Variants in KDM4C observed in about 807,000 individuals in gnomAD.
KDM4C encodes the protein lysine-specific demethylase 4C.
Under a neutral mutation model 129.3 loss-of-function variants are expected in KDM4C, and 81 were observed. The observed-to-expected ratio is 0.63, with a 90% CI of 0.52 to 0.75. KDM4C has a LOEUF of 0.75. Among genes scored for constraint, KDM4C ranks in the 30% least tolerant of loss-of-function variants. KDM4C has a pLI of 0.00. For synonymous variants in KDM4C, 573 were observed against 456.1 expected (o/e 1.26, Z -3.26); for missense variants, 1,457 against 1,304.0 (o/e 1.12, Z -1.81).
intron 8 of KDM4C, among the ~76,000 whole-genome samples, chr9:6,954,824 T>A (rs1304999738): frequency 6.6e-6 from 1 of 152,240 alleles, no homozygotes; most frequent in Non-Finnish European, 1.5e-5. Context: ...TGGGTTTTAG[T>A]ATTTGGCAAA....
intron 17 of KDM4C, among the ~76,000 whole-genome samples, chr9:7,052,896 A>C (rs866508944): frequency 0.097 from 1,273 of 13,092 alleles, 59 homozygotes; most frequent in African/African-American, 0.27. Flanking sequence ...AGAGAGAGAG[A>C]GAGAGCGAGC....
chr9:6,811,510 T>C (rs929089339), intron 3 of KDM4C, among the ~76,000 whole-genome samples: 1 of 152,166 alleles, frequency 6.6e-6, no homozygotes, highest in Non-Finnish European at 1.5e-5. Context: ...GTAGAGACGA[T>C]GACATGCTCA....
chr9:6,790,564 G>GT, intron 1 of KDM4C, among the ~76,000 whole-genome samples: 1 of 132,026 alleles, frequency 7.6e-6, no homozygotes, highest in Non-Finnish European at 1.5e-5. Flanking sequence ...GCCCTGCTCT[G>GT]TTTTAACCTG....
intron 8 of KDM4C, among the ~76,000 whole-genome samples, chr9:6,961,252 TA>T (rs1829998275): frequency 6.6e-6 from 1 of 152,252 alleles, no homozygotes; most frequent in Non-Finnish European, 1.5e-5. Flanking sequence ...GATGGCTTGA[TA>T]ATTATCCAGT....
chr9:6,721,767 T>C (rs1452468404), intron 1 of KDM4C, among the ~76,000 whole-genome samples: 1 of 151,876 alleles, frequency 6.6e-6, no homozygotes, highest in Non-Finnish European at 1.5e-5. Flanking sequence ...TTTTTGTATT[T>C]TTAGTAGAGA....
intron 4 of KDM4C, among the ~76,000 whole-genome samples, chr9:6,823,486 T>C (rs780193597): frequency 2.6e-5 from 4 of 152,216 alleles, no homozygotes; most frequent in Non-Finnish European, 5.9e-5. Context: ...CACACTTCAC[T>C]GTGAGGGGAT....
At chr9:6,900,600 A>C (rs1222897851) in intron 8 of KDM4C, among the ~76,000 whole-genome samples, 2 of 152,114 alleles carry the variant, frequency 1.3e-5, no homozygotes, top group African/African-American at 2.4e-5. Flanking sequence ...ACACCACTGC[A>C]CTCCAGCCTG....
At chr9:6,760,464 T>A (rs1326501992) in intron 1 of KDM4C, among the ~76,000 whole-genome samples, 3 of 150,264 alleles carry the variant, frequency 2.0e-5, no homozygotes, top group Admixed American at 6.6e-5. Context: ...TATATATATA[T>A]AATGTAATTG....
intron 15 of KDM4C, among the ~76,000 whole-genome samples, chr9:7,040,225 C>G (rs1459168641): frequency 6.6e-6 from 1 of 151,952 alleles, no homozygotes; most frequent in Non-Finnish European, 1.5e-5. Context: ...ATATACTATA[C>G]TCCACAGTGT....
chr9:6,860,131 A>G (rs112233351), intron 5 of KDM4C, among the ~76,000 whole-genome samples: 2,252 of 152,256 alleles, frequency 0.015, 63 homozygotes, highest in African/African-American at 0.051. Flanking sequence ...GTGGCATAAG[A>G]AAGATTTTCA....
chr9:7,047,148 A>G (rs1233746434), intron 16 of KDM4C, among the ~76,000 whole-genome samples: 1 of 151,954 alleles, frequency 6.6e-6, no homozygotes, highest in Non-Finnish European at 1.5e-5. Flanking sequence ...GACACCATGA[A>G]AAATAACCCC....
intron 12 of KDM4C, among the ~76,000 whole-genome samples, chr9:7,007,545 C>A (rs182157097): frequency 9.2e-5 from 14 of 152,304 alleles, no homozygotes; most frequent in Non-Finnish European, 1.2e-4. Context: ...TATGAAGTTA[C>A]TGCTTGGCTT....
chr9:7,074,056 A>C (rs1833574703), intron 17 of KDM4C, among the ~76,000 whole-genome samples: 1 of 152,206 alleles, frequency 6.6e-6, no homozygotes, highest in Non-Finnish European at 1.5e-5. Context: ...CAGCAAACTA[A>C]TCTTCCCTTC....
intron 19 of KDM4C, among the ~76,000 whole-genome samples, chr9:7,156,972 T>C (rs1843244194): frequency 2.0e-5 from 3 of 152,362 alleles, no homozygotes; most frequent in African/African-American, 4.8e-5. Flanking sequence ...ATATTGATTC[T>C]TCCTATCCAT....
At chr9:6,738,916 T>C (rs557219082) in intron 1 of KDM4C, among the ~76,000 whole-genome samples, 3 of 151,968 alleles carry the variant, frequency 2.0e-5, no homozygotes, top group African/African-American at 7.2e-5. Flanking sequence ...TTTGTAGAGA[T>C]GGGGTTTCCC....
chr9:7,041,683 C>A (rs1166117459), intron 15 of KDM4C, among the ~76,000 whole-genome samples: 1 of 151,864 alleles, frequency 6.6e-6, no homozygotes, highest in Non-Finnish European at 1.5e-5. Context: ...GGGGTGAAGT[C>A]AATCTGATTT....
chr9:6,874,284 G>T (rs567655768), intron 5 of KDM4C, among the ~76,000 whole-genome samples: 83 of 152,176 alleles, frequency 5.5e-4, no homozygotes, highest in Non-Finnish European at 9.7e-4. Flanking sequence ...GCAATAAAAT[G>T]AGGTATGTCC....
rs1554669510 is a variant in KDM4C at position 6,964,792 on chromosome 9, A to AAAC, written c.922-16131_922-16130insCAA. Among the ~76,000 whole-genome samples the AAAC allele has an allele frequency of 1.0e-4, 15 of 150,644 alleles. 1 individual carries two copies. The highest frequency in any genetic ancestry group is 9.8e-4 in the East Asian group (5 of 5,122). ...GTGAGACTCCGTCTCAAAAAAAAAA[A>AAAC]AAAAAAAAACCACAGACTGGGCGCA... On this transcript the variant is annotated intron_variant, in intron 8 of 21. Transcript: ENST00000381309.
At chr9:6,944,670 T>TTTTTTTTTC (rs1826587991) in intron 8 of KDM4C, among the ~76,000 whole-genome samples, 1 of 147,278 alleles carries the variant, frequency 6.8e-6, no homozygotes. Flanking sequence ...TTTTTTTTTT[T>TTTTTTTTTC]TTTTGCCTCT....
Sources: gnomAD v4.1 joint callset for allele counts (sites outside exome capture counted in the v4.1 genomes callset) on GRCh38, gnomAD v4.1.1 for gene constraint, MANE v1.5 for transcripts, NCBI Gene and HGNC (gene_info 2026-07-23, HGNC 2026-07-21) for gene names.